The following TLN1 variants were observed in gnomAD, a reference collection of about 807,000 sequenced individuals.
TLN1 encodes talin 1, also known as talin-1.
In TLN1, 56 loss-of-function variants were observed where a neutral mutation model predicts 292.3. That is an observed-to-expected ratio of 0.19 (90% CI 0.15 to 0.24). TLN1 has a LOEUF of 0.24. Ranked by LOEUF, TLN1 falls within the 10% of genes least tolerant of loss-of-function variation. The pLI is 1.00. For synonymous variants in TLN1, 1,119 were observed against 1,253.7 expected (o/e 0.89, Z 2.27); for missense variants, 2,433 against 3,248.2 (o/e 0.75, Z 6.10).
At position 35,705,976 on chromosome 9, in the gene TLN1, G is replaced by C. The variant is rs1337824035; in HGVS notation, c.5497C>G (p.Gln1833Glu). ...AAGACTCTAACCTGGTTGATGGCCT[G>C]GGTGATGGAGTCCACCATGCCACCC... Reference protein sequence around the residue: ...VVGGMVDSITQAINQLDEGPM... With the variant: ...VVGGMVDSITEAINQLDEGPM... Residue 1833 changes from glutamine (Q) to glutamate (E), a missense_variant, in exon 41 of 57, where the codon CAG becomes GAG. Gln to Glu is a conservative substitution (Grantham distance 29, BLOSUM62 2). Coordinates refer to ENST00000314888, the MANE Select transcript of TLN1 (RefSeq NM_006289.4). The C allele has an allele frequency of 6.8e-6, 11 of 1,614,098 alleles. No individual in the cohort carries two copies. Among genetic ancestry groups the C allele is most frequent in the African/African-American group, 1.3e-5 (1 of 74,936 alleles).
chr9:35,712,724 G>C (rs1825697306), intron 27 of TLN1, 111 bp downstream of exon 27: 2 of 853,958 alleles, frequency 2.3e-6, no homozygotes, highest in Non-Finnish European at 3.6e-6. Flanking sequence ...GCAGACCCAA[G>C]AAGACATCAC....
Position 35,706,498 on chromosome 9 carries a change from C to T in TLN1, c.5142G>A (p.Glu1714=). ...CAGCCCGGGCAGCATTGGCCAGCGG[C>T]TCAATGAGATGGGAGATCTCTTGGA... ...TAVQEISHLI[E]PLANAARAEA... Residue 1714 remains glutamate (E), a synonymous_variant, in exon 39 of 57, where the codon GAG becomes GAA. Transcript: ENST00000314888. The surrounding 1 kb of genome is among the most constrained non-coding windows in gnomAD (Gnocchi z 4.2). 6.2e-7 allele frequency: 1 copy of T among 1,614,106 alleles called. No individual in the cohort carries two copies. The highest frequency in any genetic ancestry group is 8.5e-7 in the Non-Finnish European group (1 of 1,180,004).
chr9:35,705,871 A>G lies in TLN1; in HGVS notation c.5512-20T>C. ...ATCTAGCTGAGGGGGGAGGATAGGG[A>G]AAGGGAAAGACTGTTAGGGTCTCTG... On this transcript the variant is annotated intron_variant, in intron 41 of 56. Coordinates refer to ENST00000314888, the MANE Select transcript of TLN1 (RefSeq NM_006289.4). 6.2e-7 allele frequency: 1 copy of G among 1,614,104 alleles called. No individual in the cohort carries two copies. The highest frequency in any genetic ancestry group is 8.5e-7 in the Non-Finnish European group (1 of 1,180,012).
At position 35,697,931 on chromosome 9, in the gene TLN1, C is replaced by G. The variant is rs202220405; in HGVS notation, c.7501-15G>C. On this transcript the variant is annotated splice_polypyrimidine_tract_variant and intron_variant, in intron 56 of 56. Transcript: ENST00000314888. Reference sequence around the variant, plus strand: ...GCTGCGATGATCTGAGGGTGGAGATCGGGGACTTAGTTCAGTGAGGATGCA... The same window carrying G: ...GCTGCGATGATCTGAGGGTGGAGATGGGGGACTTAGTTCAGTGAGGATGCA... The G allele has an allele frequency of 5.6e-5, 91 of 1,614,062 alleles. No individual in the cohort carries two copies. The African/African-American group carries it at 1.2e-3, about 21-fold the overall frequency.
chr9:35,699,994 G>T lies in TLN1; in HGVS notation c.6748C>A (p.Leu2250Met). 6.2e-7 allele frequency: 1 copy of T among 1,613,202 alleles called. No individual in the cohort carries two copies. Among genetic ancestry groups the T allele is most frequent in the Non-Finnish European group, 8.5e-7 (1 of 1,179,412 alleles). ...GRECANGYLE[L>M]LDHVLLTLQK... ...CTTACCAGCAGTACATGGTCCAGCA[G>T]TTCCAGGTAGCCATTGGCACACTCC... The change falls in exon 50 of 57, where the codon CTG becomes ATG. Residue 2250 changes from leucine to methionine, a missense_variant. Physicochemically the swap from Leu to Met is conservative, Grantham distance 15. This residue lies in a region of TLN1 where 1,384 missense variants were observed against 1,699.6 expected (regional missense o/e 0.81). Coordinates refer to ENST00000314888, the MANE Select transcript of TLN1 (RefSeq NM_006289.4). The surrounding 1 kb of genome is among the most constrained non-coding windows in gnomAD (Gnocchi z 4.0).
rs1157230916 is a variant in TLN1, at chr9:35,719,576, G to A, written c.1630C>T (p.His544Tyr). 3 of 1,614,056 alleles carry A rather than the reference G, an allele frequency of 1.9e-6. No individual in the cohort carries two copies. Among genetic ancestry groups the A allele is most frequent in the Middle Eastern group, 1.6e-4 (1 of 6,078 alleles). The change falls in exon 15 of 57, where the codon CAC (histidine) becomes TAC (tyrosine). Residue 544 changes from histidine to tyrosine, a missense_variant. Around this residue, in one of 7 missense-constraint regions of TLN1, gnomAD observed 617 missense variants for 770.6 expected, o/e 0.80. Transcript: ENST00000314888. The surrounding 1 kb of genome is among the most constrained non-coding windows in gnomAD (Gnocchi z 4.6). ...NKMDESKHEI[H>Y]SQVDAITAGT... ...GCTGTGATGGCATCTACCTGAGAGT[G>A]GATCTCATGCTTTGATTCATCCATC...
chr9:35,718,950 T>G (rs1206863505), intron 16 of TLN1, 40 bp from the exon 17 acceptor site: 9 of 1,605,958 alleles, frequency 5.6e-6, no homozygotes, highest in Non-Finnish European at 7.7e-6. Flanking sequence ...GCCCAATCCC[T>G]GCCCACATGC....
At chr9:35,722,665 C>A (rs1400531739) in intron 8 of TLN1, among the ~76,000 whole-genome samples, 196 bp downstream of exon 8, 4 of 152,182 alleles carry the variant, frequency 2.6e-5, no homozygotes, top group Non-Finnish European at 5.9e-5. Flanking sequence ...CTGAATTGCA[C>A]AGCAAAAGCA....
chr9:35,726,501 G>A (rs530516369), intron 1 of TLN1, among the ~76,000 whole-genome samples: 5 of 152,264 alleles, frequency 3.3e-5, no homozygotes, highest in African/African-American at 9.6e-5. Context: ...TTCTCACCAC[G>A]TGACCTTCCT....
chr9:35,722,103 A>G lies in TLN1; in HGVS notation c.948+16T>C, dbSNP rs765147254. 1 of 1,608,860 alleles carries G rather than the reference A, an allele frequency of 6.2e-7. No homozygotes were observed. Among genetic ancestry groups the G allele is most frequent in the Admixed American group, 1.7e-5 (1 of 60,004 alleles). Reference sequence around the variant, plus strand: ...GTGGGAAACAAGGAGGGCAGTGAAAAGGGCCCATAACCTACCTTCACCAGG... The same window carrying G: ...GTGGGAAACAAGGAGGGCAGTGAAAGGGGCCCATAACCTACCTTCACCAGG... On this transcript the variant is annotated intron_variant, in intron 9 of 56. Transcript: ENST00000314888.
Position 35,720,026 on chromosome 9 carries a change from G to C in TLN1, c.1464+13C>G, listed in dbSNP as rs200748707. 289 of 1,578,944 alleles carry C rather than the reference G, an allele frequency of 1.8e-4. 1 individual carries two copies. Among genetic ancestry groups the C allele is most frequent in the Middle Eastern group, 1.8e-4 (1 of 5,698 alleles). On this transcript the variant is annotated intron_variant, in intron 13 of 56. Coordinates refer to ENST00000314888, the MANE Select transcript of TLN1 (RefSeq NM_006289.4). Reference sequence around the variant, plus strand: ...GAAGGGCCCTGGCACCGTGGTGGAAGTGGGACACTTACCAGAGGAGGCATG... The same window carrying C: ...GAAGGGCCCTGGCACCGTGGTGGAACTGGGACACTTACCAGAGGAGGCATG...
chr9:35,719,865 T>G lies in TLN1; in HGVS notation c.1465-12A>C. 1 of 1,577,024 alleles carries G rather than the reference T, an allele frequency of 6.3e-7. No homozygotes were observed. On this transcript the variant is annotated splice_polypyrimidine_tract_variant and intron_variant, in intron 13 of 56. Transcript: ENST00000314888. The surrounding 1 kb of genome is among the most constrained non-coding windows in gnomAD (Gnocchi z 4.6). ...TGCTGGGCTGAAGTCTAAAGACAAG[T>G]GGGGAGAAACAGGGACTGGAATGGA...
chr9:35,703,950 G>A (rs1183944398), intron 46 of TLN1, 41 bp downstream of exon 46: 20 of 1,613,066 alleles, frequency 1.2e-5, no homozygotes, highest in Admixed American at 3.3e-5. Context: ...AAGCGGGACA[G>A]GAAGTGATTC....
At position 35,698,479 on chromosome 9, in the gene TLN1, G is replaced by A; in HGVS notation, c.7215C>T (p.Asn2405=). 1 of 1,613,958 alleles carries A rather than the reference G, an allele frequency of 6.2e-7. No individual in the cohort carries two copies. Among genetic ancestry groups the A allele is most frequent in the Non-Finnish European group, 8.5e-7 (1 of 1,179,962 alleles). ...CTGCATTGGCTGCCTCACACAGATT[G>A]TTGGTGGCCGCAGCCACCATCCGGG... ...SAARMVAAAT[N]NLCEAANAAV... Residue 2405 remains asparagine, a synonymous_variant, in exon 55 of 57, where the codon AAC becomes AAT. Transcript: ENST00000314888. This position sits in a 1 kb window ranked among gnomAD's most constrained non-coding sequence, Gnocchi z 5.3.
At position 35,707,352 on chromosome 9, in the gene TLN1, G is replaced by C; in HGVS notation, c.4769C>G (p.Pro1590Arg). ...TCCCCCTTCACATCGCCTCACCTCA[G>C]GGCTGATCTGGGCAGGAATGCTGGA... ...EFSSIPAQIS[P>R]EGRAAMEPIV... Residue 1590 changes from proline to arginine, a missense_variant, in exon 36 of 57, where the codon CCT becomes CGT. Coordinates refer to ENST00000314888, the MANE Select transcript of TLN1 (RefSeq NM_006289.4). This position sits in a 1 kb window ranked among gnomAD's most constrained non-coding sequence, Gnocchi z 5.6. 1.2e-6 allele frequency: 2 copies of C among 1,614,158 alleles called. No homozygotes were observed. Among genetic ancestry groups the C allele is most frequent in the Non-Finnish European group, 1.7e-6 (2 of 1,180,020 alleles).
chr9:35,729,173 T>C (rs1826027894), intron 1 of TLN1, among the ~76,000 whole-genome samples: 1 of 152,258 alleles, frequency 6.6e-6, no homozygotes, highest in Non-Finnish European at 1.5e-5. Context: ...AGATGTTAAA[T>C]ACTTGTTCAA....
At chr9:35,701,820 G>C (rs989246866) in intron 48 of TLN1, among the ~76,000 whole-genome samples, 1 of 152,184 alleles carries the variant, frequency 6.6e-6, no homozygotes, top group Admixed American at 6.5e-5. Context: ...ATTGAAGCTA[G>C]GTTTCTGGCT....
At chr9:35,712,565 T>A (rs564920671) in intron 27 of TLN1, among the ~76,000 whole-genome samples, 45 of 151,500 alleles carry the variant, frequency 3.0e-4, no homozygotes, top group Admixed American at 9.2e-4. Context: ...GGAGAATCAC[T>A]TGAACCCAGG....
Position 35,697,640 on chromosome 9 carries a change from C to G in TLN1, c.*151G>C. 8.5e-7 allele frequency: 1 copy of G among 1,174,670 alleles called. No homozygotes were observed. Among genetic ancestry groups the G allele is most frequent in the Non-Finnish European group, 1.2e-6 (1 of 839,920 alleles). The allele number at this position is 1,174,670 out of a possible 1,614,324, so 72.8% of individuals were successfully genotyped here. On this transcript the variant is annotated 3_prime_UTR_variant, in exon 57 of 57. Transcript: ENST00000314888. ...GGTTGGGGAGGGGACAGGGGATGTA[C>G]TGCGGGACTGGGCGGGGCCAGGCCC... is the stretch of plus-strand genomic sequence containing the variant.
Sources: allele counts gnomAD v4.1 joint callset (sites outside exome capture counted in the v4.1 genomes callset), GRCh38; gene constraint gnomAD v4.1.1; regional missense constraint gnomAD v4.1.1; non-coding constraint Gnocchi (gnomAD v3.1); transcripts MANE v1.5; gene names NCBI Gene and HGNC (gene_info 2026-07-23, HGNC 2026-07-21).